DCDC2: variants seen among roughly 807,000 people sequenced by gnomAD.
DCDC2 encodes the protein doublecortin domain-containing protein 2.
Under a neutral mutation model 50.2 loss-of-function variants are expected in DCDC2, and 40 were observed. That is an observed-to-expected ratio of 0.80 (90% CI 0.62 to 1.04). The LOEUF is 1.04. Among genes scored for constraint, DCDC2 ranks in the 50% least tolerant of loss-of-function variants. The pLI is 0.00. For synonymous variants in DCDC2, 234 were observed against 210.6 expected, an observed-to-expected ratio of 1.11 and a Z score of -0.96; for missense variants, 570 against 581.9, an observed-to-expected ratio of 0.98 and a Z score of 0.21.
intron 7 of DCDC2, among the ~76,000 whole-genome samples, chr6:24,248,292 T>C (rs182383781): frequency 1.3e-5 from 2 of 152,278 alleles, no homozygotes; most frequent in East Asian, 3.9e-4. Context: ...GGGGGAGCAG[T>C]TGTTTCAAAC....
At chr6:24,250,397 G>A (rs1264944963) in intron 7 of DCDC2, among the ~76,000 whole-genome samples, 1 of 152,188 alleles carries the variant, frequency 6.6e-6, no homozygotes, top group African/African-American at 2.4e-5. Context: ...CTAAAACAGA[G>A]CACTAGGGTG....
intron 7 of DCDC2, among the ~76,000 whole-genome samples, chr6:24,260,940 A>T (rs72830851): frequency 2.0e-5 from 3 of 152,120 alleles, no homozygotes; most frequent in Non-Finnish European, 4.4e-5. Flanking sequence ...TCTGGTACCA[A>T]TGTGGGGTAA....
intron 2 of DCDC2, among the ~76,000 whole-genome samples, chr6:24,321,053 CA>C (rs1759765803): frequency 6.7e-6 from 1 of 150,146 alleles, no homozygotes; most frequent in Admixed American, 6.6e-5. Flanking sequence ...ATTTAAGCAA[CA>C]AAACGAATGA....
intron 7 of DCDC2, among the ~76,000 whole-genome samples, chr6:24,253,806 T>C (rs865992539): frequency 1.4e-4 from 22 of 152,288 alleles, no homozygotes; most frequent in African/African-American, 4.3e-4. Context: ...TGAGTGAAGG[T>C]GAAGTCCTAG....
chr6:24,210,059 T>TCTGTCTGCCTGCCTGC (rs1761830556), intron 7 of DCDC2, among the ~76,000 whole-genome samples: 1 of 149,862 alleles, frequency 6.7e-6, no homozygotes, highest in Non-Finnish European at 1.5e-5. Context: ...TGTGTGTCTG[T>TCTGTCTGCCTGCCTGC]CTGTCTGTCT....
chr6:24,363,740 C>T, the DCDC2 span, among the ~76,000 whole-genome samples: 1 of 152,132 alleles, frequency 6.6e-6, no homozygotes, highest in Non-Finnish European at 1.5e-5. Context: ...TATCTCCAAA[C>T]CCATTTCCAC....
intron 7 of DCDC2, among the ~76,000 whole-genome samples, chr6:24,265,806 TA>T (rs879470177): frequency 1.1e-3 from 141 of 134,284 alleles, no homozygotes; most frequent in Middle Eastern, 3.8e-3. Context: ...ATCAAAAAAG[TA>T]AAAAAAAAAA....
intron 7 of DCDC2, among the ~76,000 whole-genome samples, chr6:24,240,205 G>A (rs1762535235): frequency 6.6e-6 from 1 of 152,136 alleles, no homozygotes; most frequent in Admixed American, 6.5e-5. Flanking sequence ...GGTACCAGCT[G>A]AAAATCAGCC....
At chr6:24,236,450 C>T (rs1279011877) in intron 7 of DCDC2, among the ~76,000 whole-genome samples, 2 of 152,080 alleles carry the variant, frequency 1.3e-5, no homozygotes, top group Non-Finnish European at 1.5e-5. Flanking sequence ...TCCTAGAAGA[C>T]GACCTAGGAA....
At chr6:24,339,787 A>C (rs1239117388) in intron 2 of DCDC2, among the ~76,000 whole-genome samples, 1 of 152,244 alleles carries the variant, frequency 6.6e-6, no homozygotes, top group Non-Finnish European at 1.5e-5. Flanking sequence ...AAATGTGGAC[A>C]TCTAACCAAG....
intron 7 of DCDC2, among the ~76,000 whole-genome samples, chr6:24,248,106 G>A (rs935687640): frequency 2.6e-5 from 4 of 152,072 alleles, no homozygotes; most frequent in Admixed American, 6.5e-5. Context: ...AATAAAAAAA[G>A]AATGTTCTAA....
intron 4 of DCDC2, among the ~76,000 whole-genome samples, chr6:24,293,684 G>A (rs1279466436): frequency 6.6e-6 from 1 of 152,186 alleles, no homozygotes; most frequent in East Asian, 1.9e-4. Flanking sequence ...CAAAATGGAT[G>A]TGATAAACCT....
At chr6:24,198,960 T>C (rs147435506) in intron 8 of DCDC2, among the ~76,000 whole-genome samples, 1 of 152,182 alleles carries the variant, frequency 6.6e-6, no homozygotes, top group Non-Finnish European at 1.5e-5. Context: ...CCTCTCTAGA[T>C]TCCTCCTCTC....
upstream of DCDC2, chr6:24,358,069 C>T (rs948817723): frequency 8.9e-6 from 8 of 894,686 alleles, no homozygotes; most frequent in African/African-American, 1.0e-4. Flanking sequence ...TGAGCAGGAG[C>T]CGGAAACGCG....
chr6:24,248,710 GAC>G (rs1581610606), intron 7 of DCDC2, among the ~76,000 whole-genome samples: 2 of 152,062 alleles, frequency 1.3e-5, no homozygotes, highest in Non-Finnish European at 2.9e-5. Flanking sequence ...GTTAATTGAT[GAC>G]TTACCCAGAT....
At chr6:24,299,919 C>CA (rs1031251339) in intron 4 of DCDC2, among the ~76,000 whole-genome samples, 9 of 140,168 alleles carry the variant, frequency 6.4e-5, no homozygotes, top group East Asian at 2.1e-4. Context: ...AACTCCATCT[C>CA]AAAAAAAAAT....
At chr6:24,294,289 A>G (rs1295821305) in intron 4 of DCDC2, among the ~76,000 whole-genome samples, 1 of 152,140 alleles carries the variant, frequency 6.6e-6, no homozygotes, top group East Asian at 1.9e-4. Flanking sequence ...CAGGAGGTTG[A>G]GGCTGCAATG....
chr6:24,175,068 C>T (rs182269258), intron 9 of DCDC2, among the ~76,000 whole-genome samples: 30 of 151,312 alleles, frequency 2.0e-4, no homozygotes, highest in South Asian at 4.2e-4. Context: ...GCTTGAAAGG[C>T]CCTGACTCAT....
At chr6:24,205,308 C>CT in intron 7 of DCDC2, 1 of 1,538,546 alleles carries the variant, frequency 6.5e-7, no homozygotes, top group Non-Finnish European at 8.8e-7. Context: ...GTGGTCAAAA[C>CT]AAGGCTGACC....
Sources: gnomAD v4.1 joint callset for allele counts (sites outside exome capture counted in the v4.1 genomes callset) on GRCh38, gnomAD v4.1.1 for gene constraint, MANE v1.5 for transcripts, NCBI Gene and HGNC (gene_info 2026-07-23, HGNC 2026-07-21) for gene names.